CCNB1: variants seen among roughly 807,000 people sequenced by gnomAD.
The protein encoded by CCNB1 is G2/mitotic-specific cyclin-B1.
In CCNB1, 26 loss-of-function variants were observed where a neutral mutation model predicts 44.4. The ratio of observed to expected loss-of-function variants is 0.59; its 90% CI spans 0.43 to 0.81. CCNB1 has a LOEUF of 0.81. Among genes scored for constraint, CCNB1 ranks in the 40% least tolerant of loss-of-function variants. The pLI is 0.00. For synonymous variants in CCNB1, 195 were observed against 181.4 expected (o/e 1.08, Z -0.60); for missense variants, 477 against 520.9 (o/e 0.92, Z 0.82).
chr5:69,174,672 G>A (rs1460897488), intron 5 of CCNB1, among the ~76,000 whole-genome samples: 10 of 151,920 alleles, frequency 6.6e-5, no homozygotes, highest in African/African-American at 2.4e-4. Flanking sequence ...CTGAGATCAC[G>A]CCATTGCACT....
chr5:69,175,333 C>A, intron 6 of CCNB1, 64 bp from the exon 7 acceptor site: 3 of 1,475,094 alleles, frequency 2.0e-6, no homozygotes, highest in South Asian at 1.2e-5. Context: ...TACATATGGG[C>A]ATGCAGGTTA....
Position 69,174,979 on chromosome 5 carries a change from G to A in CCNB1, c.808G>A (p.Ala270Thr). 6.2e-7 allele frequency: 1 copy of A among 1,614,156 alleles called. No individual in the cohort carries two copies. ...EMYPPEIGDF[A>T]FVTDNTYTKH... ...GTACCCTCCAGAAATTGGTGACTTT[G>A]CTTTTGTGACTGACAACACTTATAC... Residue 270 changes from alanine to threonine, a missense_variant, in exon 6 of 9, where the codon GCT becomes ACT. Physicochemically the swap from Ala to Thr is moderately conservative, Grantham distance 58. Transcript: ENST00000256442.
Position 69,174,415 on chromosome 5 carries a change from C to T in CCNB1, c.705+6C>T. 6.2e-7 allele frequency: 1 copy of T among 1,612,114 alleles called. No individual in the cohort carries two copies. The highest frequency in any genetic ancestry group is 8.5e-7 in the Non-Finnish European group (1 of 1,179,082). ...TTATTGATCGGTTCATGCAGGTGAGCATTTCAGTAAGAGTTTTCCCTTCCA... is the reference window on the plus strand; with the variant it reads ...TTATTGATCGGTTCATGCAGGTGAGTATTTCAGTAAGAGTTTTCCCTTCCA... On this transcript the variant is annotated splice_donor_region_variant and intron_variant, in intron 5 of 8. Transcript: ENST00000256442.
At position 69,175,549 on chromosome 5, in the gene CCNB1, C is replaced by T. The variant is rs775116535; in HGVS notation, c.1083+12C>T. The T allele has an allele frequency of 6.2e-7, 1 of 1,610,586 alleles. No homozygotes were observed. Among genetic ancestry groups the T allele is most frequent in the Admixed American group, 1.7e-5 (1 of 59,114 alleles). On this transcript the variant is annotated intron_variant, in intron 7 of 8. Coordinates refer to ENST00000256442, the MANE Select transcript of CCNB1 (RefSeq NM_031966.4). Reference sequence around the variant, plus strand: ...ATAATGGTGAATGGGTAAGCTGTGTCCCACAGAACTCCTAAGCTTTTAAAT... The same window carrying T: ...ATAATGGTGAATGGGTAAGCTGTGTTCCACAGAACTCCTAAGCTTTTAAAT...
rs560704282 is a variant in CCNB1, at chr5:69,168,610, C to G, written c.363+267C>G. 2.0e-5 allele frequency among the ~76,000 whole-genome samples: 3 copies of G among 152,296 alleles called. No homozygotes were observed. In the South Asian group the frequency reaches 6.2e-4, roughly 32 times the overall value. On this transcript the variant is annotated intron_variant, in intron 3 of 8. Coordinates refer to ENST00000256442, the MANE Select transcript of CCNB1 (RefSeq NM_031966.4). ...ACAGGTAAGTGGCCCATATGGGATT[C>G]AAGCTCAGGCTGTCTGGCTTCAGAA...
chr5:69,171,648 A>G (rs993698379), intron 4 of CCNB1, among the ~76,000 whole-genome samples, 196 bp downstream of exon 4: 1 of 152,204 alleles, frequency 6.6e-6, no homozygotes, highest in Admixed American at 6.6e-5. Context: ...CACTTTGTGC[A>G]GGAAAGTTCG....
intron 3 of CCNB1, among the ~76,000 whole-genome samples, 182 bp from the exon 4 acceptor site, chr5:69,171,088 A>G (rs923059489): frequency 2.6e-5 from 4 of 152,138 alleles, no homozygotes; most frequent in Non-Finnish European, 5.9e-5. Context: ...ATCACTTTTG[A>G]TGTTAATCAC....
rs8192269 is a variant in CCNB1, at chr5:69,174,451, C to T, written c.705+42C>T. On this transcript the variant is annotated intron_variant, in intron 5 of 8. Coordinates refer to ENST00000256442, the MANE Select transcript of CCNB1 (RefSeq NM_031966.4). The stretch of plus-strand genomic sequence containing the variant: ...GAGTTTTCCCTTCCAGGATTCTAGC[C>T]GAGTCATAAGAAACTGATGTTTTCA... 4.2e-4 allele frequency: 674 copies of T among 1,594,696 alleles called. 3 individuals are homozygous for T. The African/African-American group carries it at 8.0e-3, about 19-fold the overall frequency.
intron 3 of CCNB1, among the ~76,000 whole-genome samples, chr5:69,170,116 A>G (rs781271256): frequency 6.6e-6 from 1 of 151,610 alleles, no homozygotes; most frequent in Non-Finnish European, 1.5e-5. Context: ...GGTGCCAGCC[A>G]CCACACCCAG....
intron 7 of CCNB1, among the ~76,000 whole-genome samples, chr5:69,176,400 A>G (rs1747590927): frequency 6.6e-6 from 1 of 151,726 alleles, no homozygotes; most frequent in Non-Finnish European, 1.5e-5. Flanking sequence ...TCTGTCGCCC[A>G]GGCTGGAGAG....
chr5:69,171,388 G>A lies in CCNB1; in HGVS notation c.482G>A (p.Gly161Glu), dbSNP rs78743729. ...LAVNDVDAED[G>E]ADPNLCSEYV... is the part of the protein sequence containing the mutation. The stretch of plus-strand genomic sequence containing the variant: ...GTAAATGATGTGGATGCAGAAGATG[G>A]AGCTGATCCAAACCTTTGTAGTGAA... Residue 161 changes from glycine to glutamate, a missense_variant, in exon 4 of 9, where the codon GGA becomes GAA. Transcript: ENST00000256442. The A allele has an allele frequency of 6.2e-7, 1 of 1,613,850 alleles. No homozygotes were observed. Among genetic ancestry groups the A allele is most frequent in the Non-Finnish European group, 8.5e-7 (1 of 1,179,900 alleles).
rs541060180 is a variant in CCNB1 at position 69,174,517 on chromosome 5, G to A, written c.705+108G>A. ...AGTGGCTCATGCCTGTAATCCCAGC[G>A]GGCGGGTGGATCACAAGGTTAGGAG... On this transcript the variant is annotated intron_variant, in intron 5 of 8. Coordinates refer to ENST00000256442, the MANE Select transcript of CCNB1 (RefSeq NM_031966.4). 1,413 of 1,017,528 alleles carry A rather than the reference G, an allele frequency of 1.4e-3. 4 individuals carry two copies. The highest frequency in any genetic ancestry group is 1.9e-3 in the Non-Finnish European group (1,296 of 683,764). 63.0% of individuals were successfully genotyped at this position (1,017,528 alleles called of 1,614,324 possible).
In CCNB1 at chr5:69,171,396, C is replaced by G. The variant is rs1301116442; in HGVS notation, c.490C>G (p.Pro164Ala). The change falls in exon 4 of 9, where the codon CCA becomes GCA. Residue 164 changes from proline (P) to alanine (A), a missense_variant. Coordinates refer to ENST00000256442, the MANE Select transcript of CCNB1 (RefSeq NM_031966.4). The part of the protein sequence containing the change: ...NDVDAEDGAD[P>A]NLCSEYVKDI... ...TGTGGATGCAGAAGATGGAGCTGAT[C>G]CAAACCTTTGTAGTGAATATGTGAA... The G allele has an allele frequency of 1.2e-5, 19 of 1,613,726 alleles. No homozygotes were observed. In the South Asian group the frequency reaches 2.0e-4, roughly 17 times the overall value.
chr5:69,177,509 CT>C lies in CCNB1; in HGVS notation c.1195-10del. ...TTTCTTTTGCCTCTTTAATTGCTATCTTTTTGTCTTCCAGACTGTCAAGAAC... is the reference window on the plus strand; with the variant it reads ...TTTCTTTTGCCTCTTTAATTGCTATCTTTTGTCTTCCAGACTGTCAAGAAC... On this transcript the variant is annotated splice_polypyrimidine_tract_variant and intron_variant, in intron 8 of 8. Coordinates refer to ENST00000256442, the MANE Select transcript of CCNB1 (RefSeq NM_031966.4). 6.4e-7 allele frequency: 1 copy of C among 1,565,496 alleles called. No homozygotes were observed. The highest frequency in any genetic ancestry group is 8.8e-7 in the Non-Finnish European group (1 of 1,139,188).
intron 7 of CCNB1, 50 bp downstream of exon 7, chr5:69,175,587 C>G: frequency 6.4e-7 from 1 of 1,559,268 alleles, no homozygotes; most frequent in Non-Finnish European, 8.8e-7. Context: ...TAAAGAGTGA[C>G]TAAATACAGA....
intron 5 of CCNB1, 73 bp downstream of exon 5, chr5:69,174,482 G>A: frequency 1.4e-6 from 2 of 1,458,962 alleles, no homozygotes; most frequent in South Asian, 1.2e-5. Context: ...TTTCAGGCCA[G>A]TCTGGGCGCA....
At chr5:69,169,336 C>T (rs1561312708) in intron 3 of CCNB1, among the ~76,000 whole-genome samples, 1 of 151,934 alleles carries the variant, frequency 6.6e-6, no homozygotes, top group South Asian at 2.1e-4. Flanking sequence ...GGATTACAGG[C>T]GTTAGCCACG....
At chr5:69,173,085 G>C (rs1427066669) in intron 4 of CCNB1, among the ~76,000 whole-genome samples, 1 of 152,104 alleles carries the variant, frequency 6.6e-6, no homozygotes, top group African/African-American at 2.4e-5. Context: ...TAAATGTGCT[G>C]TTTCTTGATG....
rs769282252 is a variant in CCNB1 at position 69,174,255 on chromosome 5, A to G, written c.551A>G (p.Glu184Gly). 1.9e-6 allele frequency: 3 copies of G among 1,613,326 alleles called. No individual in the cohort carries two copies. Among genetic ancestry groups the G allele is most frequent in the Non-Finnish European group, 2.5e-6 (3 of 1,179,810 alleles). ...IYAYLRQLEEEQAVRPKYLLG... is the reference protein window; with the variant it reads ...IYAYLRQLEEGQAVRPKYLLG... ...AATCAGCATTTTCTTTTGCAGGAAG[A>G]GCAAGCAGTCAGACCAAAATACCTA... is the stretch of plus-strand genomic sequence containing the variant. The change falls in exon 5 of 9, where the codon GAG (glutamate) becomes GGG (glycine). Residue 184 changes from glutamate to glycine, a missense_variant. Transcript: ENST00000256442.
Sources: gnomAD v4.1 joint callset for allele counts (sites outside exome capture counted in the v4.1 genomes callset) on GRCh38, gnomAD v4.1.1 for gene constraint, MANE v1.5 for transcripts, NCBI Gene and HGNC (gene_info 2026-07-23, HGNC 2026-07-21) for gene names.